DUSP10: variants seen among roughly 807,000 people sequenced by gnomAD.
DUSP10 encodes dual specificity protein phosphatase 10.
In DUSP10, 14 loss-of-function variants were observed where a neutral mutation model predicts 30.8. The observed-to-expected ratio is 0.46, with a 90% CI of 0.30 to 0.71. The LOEUF is 0.71. Ranked by LOEUF, DUSP10 falls within the 30% of genes least tolerant of loss-of-function variation. The pLI is 0.08. For synonymous variants in DUSP10, 254 were observed against 250.4 expected, an observed-to-expected ratio of 1.01 and a Z score of -0.14; for missense variants, 550 against 619.4, an observed-to-expected ratio of 0.89 and a Z score of 1.19.
intron 2 of DUSP10, among the ~76,000 whole-genome samples, chr1:221,713,160 T>C (rs2102623396): frequency 6.6e-6 from 1 of 152,292 alleles, no homozygotes; most frequent in Non-Finnish European, 1.5e-5. Context: ...AAGGAGACCA[T>C]CCTGCAGAGG....
At position 221,706,643 on chromosome 1, in the gene DUSP10, A is replaced by T. The variant is rs908030364; in HGVS notation, c.812-177T>A. On this transcript the variant is annotated intron_variant, in intron 2 of 3. Coordinates refer to ENST00000366899, the MANE Select transcript of DUSP10 (RefSeq NM_007207.6). This position sits in a 1 kb window ranked among gnomAD's most constrained non-coding sequence, Gnocchi z 4.6. The stretch of plus-strand genomic sequence containing the variant: ...ATAAAACAAAACAAAACAAAAACTA[A>T]AAGTCCATTTGGAGACCCAAGACAA... 6.6e-6 allele frequency among the ~76,000 whole-genome samples: 1 copy of T among 152,310 alleles called. No homozygotes were observed. The highest frequency in any genetic ancestry group is 1.9e-4 in the East Asian group (1 of 5,188).
At chr1:221,711,448 A>G (rs1270853383) in intron 2 of DUSP10, among the ~76,000 whole-genome samples, 1 of 152,154 alleles carries the variant, frequency 6.6e-6, no homozygotes, top group Middle Eastern at 3.2e-3. Flanking sequence ...GACCAGGGGG[A>G]GGGGTGTAGG....
At chr1:221,721,810 C>A (rs988907289) in intron 2 of DUSP10, among the ~76,000 whole-genome samples, 1 of 152,148 alleles carries the variant, frequency 6.6e-6, no homozygotes, top group Non-Finnish European at 1.5e-5. Flanking sequence ...GCAGGAGGGG[C>A]CCTCAATTCA....
At chr1:221,710,046 G>A (rs1475858185) in intron 2 of DUSP10, among the ~76,000 whole-genome samples, 1 of 152,154 alleles carries the variant, frequency 6.6e-6, no homozygotes, top group Non-Finnish European at 1.5e-5. Context: ...CCCTGTGCAA[G>A]TCAGGTTCCC....
intron 2 of DUSP10, among the ~76,000 whole-genome samples, chr1:221,736,608 A>G (rs977233470): frequency 2.0e-5 from 3 of 152,200 alleles, no homozygotes; most frequent in Non-Finnish European, 4.4e-5. Context: ...GTGCTATGGT[A>G]TTAATCTCTG....
At chr1:221,712,891 C>G (rs538066697) in intron 2 of DUSP10, among the ~76,000 whole-genome samples, 1 of 151,368 alleles carries the variant, frequency 6.6e-6, no homozygotes, top group South Asian at 2.1e-4. Flanking sequence ...GCTATCTTTC[C>G]ATAACTATAA....
At chr1:221,709,465 G>A (rs1343661108) in intron 2 of DUSP10, among the ~76,000 whole-genome samples, 2 of 151,230 alleles carry the variant, frequency 1.3e-5, no homozygotes, top group Non-Finnish European at 1.5e-5. Flanking sequence ...TTGGAGGTGG[G>A]AGGGGTGGGG....
At chr1:221,732,818 T>C (rs1167134010) in intron 2 of DUSP10, among the ~76,000 whole-genome samples, 1 of 152,180 alleles carries the variant, frequency 6.6e-6, no homozygotes, top group East Asian at 1.9e-4. Context: ...TAATCAGGCT[T>C]TCTGGACACA....
intron 2 of DUSP10, among the ~76,000 whole-genome samples, chr1:221,718,516 A>C (rs1309633426): frequency 2.0e-5 from 3 of 152,212 alleles, no homozygotes; most frequent in African/African-American, 7.2e-5. Flanking sequence ...TGTTAACAGG[A>C]GGAGAGTGCT....
At chr1:221,729,537 T>C (rs907389104) in intron 2 of DUSP10, among the ~76,000 whole-genome samples, 1 of 152,268 alleles carries the variant, frequency 6.6e-6, no homozygotes, top group African/African-American at 2.4e-5. Flanking sequence ...CTCAGATTCC[T>C]GAGCTATAAA....
intron 2 of DUSP10, among the ~76,000 whole-genome samples, chr1:221,735,623 G>A (rs1661742635): frequency 6.6e-6 from 1 of 152,162 alleles, no homozygotes; most frequent in African/African-American, 2.4e-5. Flanking sequence ...TAGGTGTATG[G>A]ATGTTCATTA....
At chr1:221,726,231 G>C (rs905306724) in intron 2 of DUSP10, among the ~76,000 whole-genome samples, 5 of 152,228 alleles carry the variant, frequency 3.3e-5, no homozygotes, top group African/African-American at 1.2e-4. Context: ...ATGGCAGCTA[G>C]TACCCATTTC....
At chr1:221,733,412 A>G (rs1426672879) in intron 2 of DUSP10, among the ~76,000 whole-genome samples, 2 of 152,158 alleles carry the variant, frequency 1.3e-5, no homozygotes, top group East Asian at 3.9e-4. Context: ...CATGTCTCCT[A>G]TTGCCAGGAG....
intron 2 of DUSP10, among the ~76,000 whole-genome samples, chr1:221,732,911 C>A (rs1661659951): frequency 1.3e-5 from 2 of 152,238 alleles, no homozygotes; most frequent in African/African-American, 2.4e-5. Context: ...ATTAGGGGCC[C>A]TCTAAAGTTC....
intron 2 of DUSP10, among the ~76,000 whole-genome samples, chr1:221,731,496 AT>A (rs1308641149): frequency 6.6e-6 from 1 of 150,642 alleles, no homozygotes; most frequent in African/African-American, 2.4e-5. Flanking sequence ...GGGCATATAT[AT>A]TTATTTTTTC....
chr1:221,735,726 T>C (rs1661745675), intron 2 of DUSP10, among the ~76,000 whole-genome samples: 1 of 152,200 alleles, frequency 6.6e-6, no homozygotes, highest in Non-Finnish European at 1.5e-5. Flanking sequence ...CAGTAGACTA[T>C]TTCTTCCTAC....
chr1:221,715,194 C>T (rs535567960), intron 2 of DUSP10, among the ~76,000 whole-genome samples: 22 of 152,224 alleles, frequency 1.4e-4, no homozygotes, highest in Non-Finnish European at 2.2e-4. Flanking sequence ...ACATATTTAC[C>T]TCAAAAAAGT....
At chr1:221,734,964 T>C (rs962756256) in intron 2 of DUSP10, among the ~76,000 whole-genome samples, 1 of 151,424 alleles carries the variant, frequency 6.6e-6, no homozygotes, top group African/African-American at 2.4e-5. Context: ...AGGTCTCTGA[T>C]TTCTGAGCCT....
chr1:221,728,175 C>T (rs74144918), intron 2 of DUSP10, among the ~76,000 whole-genome samples: 5,783 of 152,322 alleles, frequency 0.038, 374 homozygotes, highest in African/African-American at 0.13. Context: ...CCTGCTCTTG[C>T]ACTTCACAGC....
Sources: gnomAD v4.1 joint callset for allele counts (sites outside exome capture counted in the v4.1 genomes callset) on GRCh38, gnomAD v4.1.1 for gene constraint, Gnocchi (gnomAD v3.1) non-coding constraint, MANE v1.5 for transcripts, NCBI Gene and HGNC (gene_info 2026-07-23, HGNC 2026-07-21) for gene names.